Variants in ABLIM1 observed in about 807,000 individuals in gnomAD.
ABLIM1 encodes the protein actin binding LIM protein 1.
Under a neutral mutation model 107.0 loss-of-function variants are expected in ABLIM1, and 40 were observed. That is an observed-to-expected ratio of 0.37 (90% CI 0.29 to 0.49). The LOEUF is 0.49. Ranked by LOEUF, ABLIM1 falls within the 20% of genes least tolerant of loss-of-function variation. ABLIM1 has a pLI of 0.97. For missense variants in ABLIM1, 857 were observed against 1,008.5 expected (o/e 0.85, Z 2.04); for synonymous variants, 357 against 357.3 (o/e 1.00, Z 0.01).
intron 1 of ABLIM1, among the ~76,000 whole-genome samples, chr10:114,614,674 A>G (rs1217756516): frequency 1.3e-5 from 2 of 152,192 alleles, no homozygotes; most frequent in African/African-American, 4.8e-5. Flanking sequence ...TTTGCCGGAA[A>G]ATTAGAAACA....
intron 1 of ABLIM1, among the ~76,000 whole-genome samples, chr10:114,682,983 G>T (rs1302165098): frequency 5.3e-5 from 8 of 152,166 alleles, no homozygotes; most frequent in Admixed American, 5.2e-4. Context: ...TAGACATCTT[G>T]AGATATTCTA....
intron 1 of ABLIM1, among the ~76,000 whole-genome samples, chr10:114,728,592 C>CAAAAAAA (rs11405856): frequency 6.4e-5 from 8 of 125,408 alleles, no homozygotes; most frequent in Admixed American, 2.5e-4. Context: ...AATGGAGAGC[C>CAAAAAAA]AAAAAAAAAA....
chr10:114,740,921 C>G (rs185851776), intron 1 of ABLIM1, among the ~76,000 whole-genome samples: 105 of 151,224 alleles, frequency 6.9e-4, no homozygotes, highest in African/African-American at 2.0e-3. Context: ...GTGTGCACCA[C>G]TCTCAGGAGG....
intron 1 of ABLIM1, among the ~76,000 whole-genome samples, chr10:114,668,427 C>A (rs1472398821): frequency 6.6e-6 from 1 of 152,070 alleles, no homozygotes; most frequent in African/African-American, 2.4e-5. Flanking sequence ...TAGGAGACAG[C>A]CCTAATAGAA....
Position 114,500,731 on chromosome 10 carries a change from A to G in ABLIM1, c.895-8853T>C, listed in dbSNP as rs868093870. Among the ~76,000 whole-genome samples, 31 of 73,036 alleles carry G rather than the reference A, an allele frequency of 4.2e-4. 1 individual carries two copies. The highest frequency in any genetic ancestry group is 1.6e-3 in the African/African-American group (26 of 16,712). 47.9% of individuals were successfully genotyped at this position (73,036 alleles called of 152,430 possible). On this transcript the variant is annotated intron_variant, in intron 6 of 22. Coordinates refer to ENST00000533213, the MANE Select transcript of ABLIM1 (RefSeq NM_002313.7). ...GAGAAGGGAAGGGAAAGGAAGGGAA[A>G]GGAAGGGAAGGGAAGGGAAGGGAAG...
chr10:114,776,446 C>G, the ABLIM1 span, among the ~76,000 whole-genome samples: 1 of 151,852 alleles, frequency 6.6e-6, no homozygotes, highest in South Asian at 2.1e-4. Context: ...AACCTCATCT[C>G]TACTAAAAAT....
At chr10:114,478,002 G>A (rs1489623155) in intron 8 of ABLIM1, among the ~76,000 whole-genome samples, 1 of 152,112 alleles carries the variant, frequency 6.6e-6, no homozygotes, top group Non-Finnish European at 1.5e-5. Context: ...GATTACAGAC[G>A]TGAGCCATAA....
At position 114,450,387 on chromosome 10, in the gene ABLIM1, TTATTTGA is replaced by T. The variant is rs368878246; in HGVS notation, c.1594+1230_1594+1236del. Among the ~76,000 whole-genome samples the T allele has an allele frequency of 7.6e-3, 1,147 of 151,704 alleles. 13 individuals carry two copies. Among genetic ancestry groups the T allele is most frequent in the African/African-American group, 0.026 (1,095 of 41,406 alleles). On this transcript the variant is annotated intron_variant, in intron 14 of 22. Transcript: ENST00000533213. ...TTTTTTTCCTTACGCATTTTCAATGTTATTTGATTTTGATTTTCACATCGTCCTAATT... is the reference window on the plus strand; with the variant it reads ...TTTTTTTCCTTACGCATTTTCAATGTTTTTGATTTTCACATCGTCCTAATT...
chr10:114,632,414 G>T (rs958127525), intron 1 of ABLIM1: 5 of 985,288 alleles, frequency 5.1e-6, no homozygotes, highest in Non-Finnish European at 6.0e-6. Flanking sequence ...TAGCTTATTG[G>T]CTCCCTGTTA....
intron 1 of ABLIM1, among the ~76,000 whole-genome samples, chr10:114,741,294 C>T (rs1344628229): frequency 2.3e-5 from 3 of 133,076 alleles, no homozygotes; most frequent in East Asian, 2.5e-4. Flanking sequence ...GGCGCCATCT[C>T]AGCTCACTGC....
chr10:114,588,475 T>G (rs936025560), intron 2 of ABLIM1, among the ~76,000 whole-genome samples: 8 of 148,332 alleles, frequency 5.4e-5, no homozygotes, highest in African/African-American at 2.0e-4. Flanking sequence ...CTTTTTTTCT[T>G]TTTCTTTCTT....
intron 3 of ABLIM1, among the ~76,000 whole-genome samples, chr10:114,573,311 A>G (rs976500497): frequency 1.3e-5 from 2 of 152,214 alleles, no homozygotes; most frequent in African/African-American, 4.8e-5. Context: ...GTTCCCTTCA[A>G]AGAATTGCTA....
chr10:114,739,834 A>G (rs1484488318), intron 1 of ABLIM1, among the ~76,000 whole-genome samples: 2 of 152,200 alleles, frequency 1.3e-5, no homozygotes, highest in Non-Finnish European at 2.9e-5. Context: ...CTTCAATGCT[A>G]GAAAATAAAC....
intron 1 of ABLIM1, among the ~76,000 whole-genome samples, chr10:114,755,689 A>G (rs1001330300): frequency 1.3e-5 from 2 of 152,208 alleles, no homozygotes; most frequent in Non-Finnish European, 2.9e-5. Flanking sequence ...TTATCTGCCA[A>G]GCTTTCTGAA....
At chr10:114,746,519 C>T (rs533482357) in intron 1 of ABLIM1, among the ~76,000 whole-genome samples, 2 of 152,302 alleles carry the variant, frequency 1.3e-5, no homozygotes, top group Non-Finnish European at 2.9e-5. Context: ...CATAACTTGG[C>T]TATTGTGAAT....
intron 6 of ABLIM1, among the ~76,000 whole-genome samples, chr10:114,496,862 T>C (rs2059733513): frequency 6.6e-6 from 1 of 152,102 alleles, no homozygotes; most frequent in Admixed American, 6.6e-5. Flanking sequence ...CAGGGTCAGA[T>C]GCTCAAGACA....
At chr10:114,611,032 T>A (rs2483594) in intron 1 of ABLIM1, among the ~76,000 whole-genome samples, 97,745 of 151,618 alleles carry the variant, frequency 0.64, 31,858 homozygotes, top group South Asian at 0.75. Context: ...ACACACCTGT[T>A]ATTCCAGCTA....
the ABLIM1 span, among the ~76,000 whole-genome samples, chr10:114,791,928 G>A: frequency 6.6e-6 from 1 of 152,152 alleles, no homozygotes; most frequent in East Asian, 1.9e-4. Flanking sequence ...CATGTGCCTG[G>A]CACTGTCTCA....
chr10:114,685,526 C>T (rs2080911168), upstream of ABLIM1, among the ~76,000 whole-genome samples: 3 of 152,138 alleles, frequency 2.0e-5, no homozygotes, highest in South Asian at 4.1e-4. Context: ...TGAAATGACT[C>T]GGGTAGACAG....
Sources: allele counts gnomAD v4.1 joint callset (sites outside exome capture counted in the v4.1 genomes callset), GRCh38; gene constraint gnomAD v4.1.1; transcripts MANE v1.5; gene names NCBI Gene and HGNC (gene_info 2026-07-23, HGNC 2026-07-21).